The following KCNC4 variants were observed in gnomAD, a reference collection of about 807,000 sequenced individuals.
The protein encoded by KCNC4 is voltage-gated potassium channel KCNC4.
A neutral mutation model predicts 42.8 loss-of-function variants in KCNC4; 23 were observed. That is an observed-to-expected ratio of 0.54 (90% CI 0.39 to 0.76). The LOEUF is 0.76. Ranked by LOEUF, KCNC4 falls within the 30% of genes least tolerant of loss-of-function variation. The pLI is 0.00. For synonymous variants in KCNC4, 422 were observed against 393.5 expected, an observed-to-expected ratio of 1.07 and a Z score of -0.86; for missense variants, 751 against 898.2, an observed-to-expected ratio of 0.84 and a Z score of 2.10.
At chr1:110,230,620 C>T (rs1256938857) in intron 3 of KCNC4, among the ~76,000 whole-genome samples, 1 of 152,226 alleles carries the variant, frequency 6.6e-6, no homozygotes, top group Non-Finnish European at 1.5e-5. Context: ...GGCACCCCTA[C>T]GGTGGGCACA....
chr1:110,271,454 C>G (rs1420530355), intron 1 of KCNC4, among the ~76,000 whole-genome samples: 1 of 152,124 alleles, frequency 6.6e-6, no homozygotes, highest in Non-Finnish European at 1.5e-5. Context: ...ATCCTGGCAG[C>G]TCATTAGAAA....
At chr1:110,216,447 C>A (rs1473360143) in intron 1 of KCNC4, among the ~76,000 whole-genome samples, 1 of 152,252 alleles carries the variant, frequency 6.6e-6, no homozygotes, top group Non-Finnish European at 1.5e-5. Context: ...GGGCATCCTC[C>A]CAGTTTCCTC....
chr1:110,241,424 A>T (rs1318700602), exon 4 of KCNC4: 1 of 152,160 alleles, frequency 6.6e-6, no homozygotes, highest in Non-Finnish European at 1.5e-5. Flanking sequence ...GTGGAGTGAC[A>T]GCCTTGTTCT....
intron 1 of KCNC4, chr1:110,220,291 G>A (rs956453770): frequency 6.6e-6 from 1 of 152,244 alleles, no homozygotes; most frequent in Non-Finnish European, 1.5e-5. Flanking sequence ...AAAAGCAAAG[G>A]TGAATGGACA....
intron 1 of KCNC4, among the ~76,000 whole-genome samples, chr1:110,217,088 CAG>C: frequency 6.6e-6 from 1 of 152,122 alleles, no homozygotes; most frequent in Non-Finnish European, 1.5e-5. Context: ...AAAGATGAGT[CAG>C]AGGGGGCCAT....
At chr1:110,232,543 A>T (rs1658749637) in intron 3 of KCNC4, 2 of 1,434,326 alleles carry the variant, frequency 1.4e-6, no homozygotes, top group African/African-American at 2.9e-5. Flanking sequence ...ACTGCACTGG[A>T]GCTTTGAAGA....
Position 110,214,055 on chromosome 1 carries a change from C to T in KCNC4, c.678+1878C>T, listed in dbSNP as rs142608163. Among the ~76,000 whole-genome samples, 1,427 of 152,304 alleles carry T rather than the reference C, an allele frequency of 9.4e-3. 14 individuals carry two copies. The highest frequency in any genetic ancestry group is 0.013 in the Non-Finnish European group (856 of 68,030). On this transcript the variant is annotated intron_variant, in intron 1 of 3. Transcript: ENST00000438661. ...TTGAGTTTATTTTCTTCCTAACTCA[C>T]TGCTGAATGGCCAAGCCAGGGGGCC...
chr1:110,225,832 C>G lies in KCNC4; in HGVS notation c.1616-143C>G, dbSNP rs995497739. On this transcript the variant is annotated intron_variant, in intron 2 of 3. Transcript: ENST00000438661. ...GCCTTTTGCCCTCTGCTCCCCGGCT[C>G]TGGCAATGCTGCCTCTCAGGTAGAT... The G allele has an allele frequency of 4.0e-6, 3 of 753,806 alleles. No individual in the cohort carries two copies. The Admixed American group carries it at 7.8e-5, about 20-fold the overall frequency. The allele number at this position is 753,806 out of a possible 1,614,324, so 46.7% of individuals were successfully genotyped here. A position where few individuals can be genotyped will look rare whatever the true frequency, so the allele number is the denominator to read the frequency against.
At chr1:110,258,409 T>C (rs920989297) in intron 1 of KCNC4, among the ~76,000 whole-genome samples, 2 of 152,194 alleles carry the variant, frequency 1.3e-5, no homozygotes, top group Non-Finnish European at 2.9e-5. Context: ...AGCTAATCTT[T>C]GTACTTTTAG....
chr1:110,275,368 G>A lies in KCNC4; in HGVS notation n.31-7166G>A, dbSNP rs116772147. Among the ~76,000 whole-genome samples the A allele has an allele frequency of 9.5e-3, 1,439 of 152,196 alleles. 25 individuals are homozygous for A. Among genetic ancestry groups the A allele is most frequent in the African/African-American group, 0.033 (1,369 of 41,520 alleles). ...TTAAAAAGTCAAAAAAATAGATGTT[G>A]GTGAGGATGCAGAGAACAAGGAATG... is the stretch of plus-strand genomic sequence containing the variant. On this transcript the variant is annotated intron_variant and non_coding_transcript_variant, in intron 1 of 2. Transcript: ENST00000412512.
At chr1:110,229,880 C>T (rs926494910) in intron 3 of KCNC4, among the ~76,000 whole-genome samples, 4 of 148,834 alleles carry the variant, frequency 2.7e-5, no homozygotes, top group Admixed American at 2.6e-4. Flanking sequence ...CAGAGCCGTG[C>T]GCCTGGCAAT....
intron 1 of KCNC4, among the ~76,000 whole-genome samples, chr1:110,254,341 G>A (rs1159663486): frequency 6.6e-6 from 1 of 152,198 alleles, no homozygotes; most frequent in Non-Finnish European, 1.5e-5. Flanking sequence ...CCTGAGGCTT[G>A]GGAGGATGGT....
intron 1 of KCNC4, among the ~76,000 whole-genome samples, chr1:110,274,244 C>T (rs1483164808): frequency 1.3e-5 from 2 of 152,018 alleles, no homozygotes; most frequent in East Asian, 3.8e-4. Flanking sequence ...TTTACAATAG[C>T]CACCAAAACA....
At chr1:110,225,717 G>A (rs1201525359) in intron 2 of KCNC4, 3 of 451,936 alleles carry the variant, frequency 6.6e-6, no homozygotes, top group Non-Finnish European at 1.2e-5. Flanking sequence ...CACTGCTGTA[G>A]GGCATCTGCA....
At position 110,210,955 on chromosome 1, in the gene KCNC4, G is replaced by A. The variant is rs1200745237; in HGVS notation, c.-545G>A. Reference sequence around the variant, plus strand: ...ACCGCAAGCAGCCCGGGCCCACGGAGCTCCGGCTGCCGTGAGAGTGTCGGC... The same window carrying A: ...ACCGCAAGCAGCCCGGGCCCACGGAACTCCGGCTGCCGTGAGAGTGTCGGC... On this transcript the variant is annotated 5_prime_UTR_variant, in exon 1 of 4. Coordinates refer to ENST00000438661, the MANE Select transcript of KCNC4 (RefSeq NM_001039574.3). Among the ~76,000 whole-genome samples, 2 of 152,176 alleles carry A rather than the reference G, an allele frequency of 1.3e-5. No homozygotes were observed. The highest frequency in any genetic ancestry group is 4.8e-5 in the African/African-American group (2 of 41,448).
At chr1:110,226,282 G>T (rs148302845) in intron 3 of KCNC4, 104 bp downstream of exon 3, 10 of 918,202 alleles carry the variant, frequency 1.1e-5, no homozygotes, top group Non-Finnish European at 1.4e-5. Flanking sequence ...GACCGTGGCC[G>T]CCATCTCCTC....
chr1:110,216,751 G>A (rs995672701), intron 1 of KCNC4, among the ~76,000 whole-genome samples: 5 of 152,256 alleles, frequency 3.3e-5, no homozygotes, highest in Admixed American at 1.3e-4. Flanking sequence ...TTCCCTGTGC[G>A]TAACTGACTT....
At chr1:110,243,571 G>A in exon 4 of KCNC4, 1 of 153,048 alleles carries the variant, frequency 6.5e-6, no homozygotes, top group Non-Finnish European at 1.5e-5. Flanking sequence ...GTGAGAGGAA[G>A]CACAGGGGAA....
intron 1 of KCNC4, among the ~76,000 whole-genome samples, chr1:110,269,201 T>C (rs1040738272): frequency 2.0e-5 from 3 of 152,084 alleles, no homozygotes; most frequent in South Asian, 4.1e-4. Context: ...TAAAGTGCAA[T>C]TTACACCAAG....
Sources: allele counts gnomAD v4.1 joint callset (sites outside exome capture counted in the v4.1 genomes callset), GRCh38; gene constraint gnomAD v4.1.1; transcripts MANE v1.5; gene names NCBI Gene and HGNC (gene_info 2026-07-23, HGNC 2026-07-21).